SLC4A4: variants seen among roughly 807,000 people sequenced by gnomAD.
SLC4A4 encodes the protein electrogenic sodium bicarbonate cotransporter 1.
A neutral mutation model predicts 111.5 loss-of-function variants in SLC4A4; 27 were observed. The ratio of observed to expected loss-of-function variants is 0.24; its 90% CI spans 0.18 to 0.33. The LOEUF (loss-of-function observed/expected upper bound fraction) is 0.33. Ranked by LOEUF, SLC4A4 falls within the 10% of genes least tolerant of loss-of-function variation. The probability of loss-of-function intolerance (pLI) is 1.00; values close to 1 mark genes in which losing one functional copy is unlikely to be tolerated. For missense variants in SLC4A4, 909 were observed against 1,315.5 expected (o/e 0.69, Z 4.78); for synonymous variants, 443 against 463.4 (o/e 0.96, Z 0.57).
chr4:71,159,707 T>C (rs1744569425), intron 2 of SLC4A4, among the ~76,000 whole-genome samples: 1 of 152,100 alleles, frequency 6.6e-6, no homozygotes, highest in African/African-American at 2.4e-5. Context: ...AAAAATGGAG[T>C]TGCTGGGCCA....
intron 16 of SLC4A4, among the ~76,000 whole-genome samples, chr4:71,518,202 C>T (rs767851231): frequency 3.9e-5 from 6 of 152,066 alleles, no homozygotes; most frequent in Non-Finnish European, 7.4e-5. Context: ...GCTGTGGGGG[C>T]CAGCCTGGAA....
intron 3 of SLC4A4, among the ~76,000 whole-genome samples, chr4:71,308,910 G>A (rs1488340577): frequency 6.6e-6 from 1 of 152,194 alleles, no homozygotes; most frequent in African/African-American, 2.4e-5. Flanking sequence ...GGGGGCTGAA[G>A]CCAGGGAGCC....
Position 71,080,746 on chromosome 4 carries a change from C to A in SLC4A4, c.-64-11984C>A, listed in dbSNP as rs182356315. On this transcript the variant is annotated intron_variant, in intron 1 of 26. Transcript: ENST00000649996. ...TGACTGTTACTGCCCAGCTCCTCCT[C>A]ATTTCACCTGGGTTTGTAAGCCCAC... Among the ~76,000 whole-genome samples, 483 of 152,172 alleles carry A rather than the reference C, an allele frequency of 3.2e-3. 1 individual carries two copies. Among genetic ancestry groups the A allele is most frequent in the Non-Finnish European group, 5.5e-3 (374 of 68,014 alleles).
chr4:71,102,552 T>G (rs1298956791), intron 2 of SLC4A4, among the ~76,000 whole-genome samples: 1 of 152,150 alleles, frequency 6.6e-6, no homozygotes, highest in African/African-American at 2.4e-5. Flanking sequence ...GGAAAGCCCA[T>G]CAGACTAACA....
At chr4:71,312,173 G>A (rs1237431836) in intron 3 of SLC4A4, among the ~76,000 whole-genome samples, 1 of 152,156 alleles carries the variant, frequency 6.6e-6, no homozygotes, top group Admixed American at 6.5e-5. Flanking sequence ...AAATCTAGAA[G>A]AAATGGATAA....
intron 2 of SLC4A4, among the ~76,000 whole-genome samples, chr4:71,100,542 A>G (rs112156168): frequency 0.013 from 1,944 of 152,254 alleles, 38 homozygotes; most frequent in East Asian, 0.048. Context: ...GACACAAGAC[A>G]AGGATGCCCT....
intron 3 of SLC4A4, among the ~76,000 whole-genome samples, chr4:71,283,219 A>G (rs571137882): frequency 2.0e-4 from 31 of 152,252 alleles, no homozygotes; most frequent in African/African-American, 7.0e-4. Context: ...CCCTCCTCCC[A>G]TGATCCTCAT....
rs1744253931 is a variant in SLC4A4, at chr4:71,149,190, A to G, written c.-2+56398A>G. On this transcript the variant is annotated intron_variant, in intron 2 of 26. Coordinates refer to the SLC4A4 transcript ENST00000649996. ...GGTGTACTCAGTGAGTTTAATTAGA[A>G]TGGCATGATTCTCTTTCTTGAATGT... Among the ~76,000 whole-genome samples the G allele has an allele frequency of 2.0e-5, 3 of 152,152 alleles. No individual in the cohort carries two copies. The South Asian group carries it at 6.2e-4, about 31-fold the overall frequency.
At chr4:71,559,977 CTCTA>C (rs1736820151) in intron 22 of SLC4A4, 112 bp from the exon 23 acceptor site, 1 of 796,356 alleles carries the variant, frequency 1.3e-6, no homozygotes. Context: ...GTCTGTCATA[CTCTA>C]TCTAGCCTTA....
chr4:71,260,495 A>C (rs906758583), intron 3 of SLC4A4, among the ~76,000 whole-genome samples: 6 of 152,270 alleles, frequency 3.9e-5, no homozygotes, highest in Admixed American at 6.5e-5. Context: ...CCAGTTTAAA[A>C]AACAAAACAC....
At chr4:71,279,223 C>G (rs551605155) in intron 3 of SLC4A4, among the ~76,000 whole-genome samples, 1 of 152,180 alleles carries the variant, frequency 6.6e-6, no homozygotes, top group Non-Finnish European at 1.5e-5. Context: ...TTGAGCAACA[C>G]CTCCCATTCT....
At chr4:71,525,863 T>A (rs1733370276) in intron 16 of SLC4A4, among the ~76,000 whole-genome samples, 3 of 152,086 alleles carry the variant, frequency 2.0e-5, no homozygotes, top group Non-Finnish European at 4.4e-5. Flanking sequence ...AGATCAAGTT[T>A]GATGAAATGA....
intron 2 of SLC4A4, among the ~76,000 whole-genome samples, chr4:71,133,110 T>A (rs1449469453): frequency 6.6e-6 from 1 of 152,198 alleles, no homozygotes; most frequent in Non-Finnish European, 1.5e-5. Flanking sequence ...AAAATTTTTA[T>A]TGTAATTTGG....
In SLC4A4 at chr4:71,299,364, G is replaced by C. The variant is rs1040479202; in HGVS notation, c.254-40006G>C. ...ATGTAATTGAAAAGACATTGATTGA[G>C]CTACAGGTACCTGGTCAGACATTGA... On this transcript the variant is annotated intron_variant, in intron 3 of 25. Coordinates refer to ENST00000264485, the MANE Select transcript of SLC4A4 (RefSeq NM_001098484.3). 2.0e-5 allele frequency among the ~76,000 whole-genome samples: 3 copies of C among 152,192 alleles called. No individual in the cohort carries two copies. In the South Asian group the frequency reaches 6.2e-4, roughly 32 times the overall value.
At chr4:71,534,126 G>T in intron 17 of SLC4A4, 101 bp from the exon 18 acceptor site, 1 of 922,410 alleles carries the variant, frequency 1.1e-6, no homozygotes, top group African/African-American at 1.6e-5. Flanking sequence ...TCAATATGTT[G>T]GTTATCCAAA....
chr4:71,066,571 G>A (rs189007956), intron 1 of SLC4A4, among the ~76,000 whole-genome samples: 1 of 152,292 alleles, frequency 6.6e-6, no homozygotes, highest in East Asian at 1.9e-4. Flanking sequence ...CCAGAGAGGT[G>A]TATTTTAGCA....
chr4:71,532,231 C>A, intron 17 of SLC4A4, 56 bp downstream of exon 17: 1 of 1,034,838 alleles, frequency 9.7e-7, no homozygotes, highest in South Asian at 1.3e-5. Context: ...TTCTTTCCCC[C>A]TATTCTAATT....
At chr4:71,070,753 A>G (rs913503755) in intron 1 of SLC4A4, among the ~76,000 whole-genome samples, 4 of 152,232 alleles carry the variant, frequency 2.6e-5, no homozygotes, top group South Asian at 2.1e-4. Context: ...GGACATTTAC[A>G]TCAGAGAATG....
At chr4:71,384,088 A>G (rs1011512933) in intron 6 of SLC4A4, among the ~76,000 whole-genome samples, 3 of 152,200 alleles carry the variant, frequency 2.0e-5, no homozygotes, top group Non-Finnish European at 2.9e-5. Context: ...TTCAATAAGA[A>G]GGAAATCCTG....
Sources: allele counts gnomAD v4.1 joint callset (sites outside exome capture counted in the v4.1 genomes callset), GRCh38; gene constraint gnomAD v4.1.1; transcripts MANE v1.5; gene names NCBI Gene and HGNC (gene_info 2026-07-23, HGNC 2026-07-21).